Variants in VTI1A observed in about 807,000 individuals in gnomAD.
VTI1A encodes the protein vesicle transport through interaction with t-SNAREs homolog 1A.
A neutral mutation model predicts 34.9 loss-of-function variants in VTI1A; 22 were observed. That is an observed-to-expected ratio of 0.63 (90% confidence interval 0.45 to 0.90). The LOEUF (loss-of-function observed/expected upper bound fraction) is 0.90, where lower values mean the gene tolerates loss of function less well. VTI1A is among the 40% of genes least tolerant of loss of function. VTI1A has a pLI of 0.00. For missense variants in VTI1A, 268 were observed against 275.6 expected (o/e 0.97, Z 0.20); for synonymous variants, 87 against 97.3 (o/e 0.89, Z 0.62).
intron 7 of VTI1A, among the ~76,000 whole-genome samples, chr10:112,699,375 T>C (rs1405206890): frequency 1.3e-5 from 2 of 152,198 alleles, no homozygotes; most frequent in Non-Finnish European, 2.9e-5. Flanking sequence ...CATTTCCTGG[T>C]TTATAGATGG....
rs1853555844 is a variant in VTI1A, at chr10:112,817,428, C to T, written c.*2045C>T. The T allele has an allele frequency of 4.3e-6, 1 of 231,624 alleles. No homozygotes were observed. Among genetic ancestry groups the T allele is most frequent in the Non-Finnish European group, 8.5e-6 (1 of 117,160 alleles). The allele number at this position is 231,624 out of a possible 1,614,324, so 14.3% of individuals were successfully genotyped here. On this transcript the variant is annotated 3_prime_UTR_variant, in exon 8 of 8. Coordinates refer to ENST00000393077, the MANE Select transcript of VTI1A (RefSeq NM_145206.4). ...GAGAAAGGAGGAGGGCATTGCTCAC[C>T]TCTCAATAGCTTTTTTCGTTCAAGT...
At chr10:112,715,002 A>G (rs572880563) in intron 7 of VTI1A, among the ~76,000 whole-genome samples, 2 of 152,204 alleles carry the variant, frequency 1.3e-5, no homozygotes. Flanking sequence ...ATCACATTTG[A>G]GCCCAAATAT....
At chr10:112,612,389 T>TA (rs1845351661) in intron 5 of VTI1A, among the ~76,000 whole-genome samples, 2 of 152,286 alleles carry the variant, frequency 1.3e-5, no homozygotes, top group African/African-American at 4.8e-5. Flanking sequence ...CATACTATAA[T>TA]AAAAAGACAA....
At chr10:112,536,675 G>A (rs919088718) in intron 4 of VTI1A, among the ~76,000 whole-genome samples, 2 of 151,522 alleles carry the variant, frequency 1.3e-5, no homozygotes, top group African/African-American at 4.9e-5. Context: ...ATAGACTGTT[G>A]TTGCAGCTTC....
At chr10:112,724,611 C>A (rs995504795) in intron 7 of VTI1A, among the ~76,000 whole-genome samples, 3 of 152,084 alleles carry the variant, frequency 2.0e-5, no homozygotes, top group African/African-American at 7.2e-5. Context: ...ACTAAGAGAG[C>A]AGTGAGTGCA....
At chr10:112,548,749 G>A in intron 5 of VTI1A, 1 of 1,443,456 alleles carries the variant, frequency 6.9e-7, no homozygotes, top group Non-Finnish European at 9.5e-7. Context: ...GGGACCCAGA[G>A]ATGGATAGTC....
chr10:112,543,485 A>C (rs2134270187), intron 5 of VTI1A, among the ~76,000 whole-genome samples: 1 of 152,310 alleles, frequency 6.6e-6, no homozygotes, highest in Admixed American at 6.5e-5. Context: ...TCTTTTGAGA[A>C]GTGTCTGTTC....
chr10:112,813,568 A>G (rs1260949512), intron 7 of VTI1A, among the ~76,000 whole-genome samples: 1 of 152,064 alleles, frequency 6.6e-6, no homozygotes, highest in African/African-American at 2.4e-5. Flanking sequence ...CTCCCAGAGA[A>G]AAGGGGGAAA....
intron 1 of VTI1A, among the ~76,000 whole-genome samples, chr10:112,455,665 C>T (rs11195963): frequency 1.6e-4 from 20 of 125,112 alleles, no homozygotes; most frequent in Admixed American, 8.4e-5. Context: ...CTCCCTTCCT[C>T]CCTTCCTTCC....
At chr10:112,682,479 A>G (rs1183310004) in intron 7 of VTI1A, among the ~76,000 whole-genome samples, 9 of 152,234 alleles carry the variant, frequency 5.9e-5, no homozygotes, top group African/African-American at 1.9e-4. Flanking sequence ...TAATAAAACC[A>G]GAATGCTAAG....
chr10:112,455,157 T>TCCCCTCC (rs1378928944), intron 1 of VTI1A, among the ~76,000 whole-genome samples: 29 of 29,390 alleles, frequency 9.9e-4, no homozygotes, highest in African/African-American at 3.7e-3. Context: ...TCCCTCCCCT[T>TCCCCTCC]CCCTCCTCCC....
At chr10:112,723,087 GATA>G (rs1849868880) in intron 7 of VTI1A, among the ~76,000 whole-genome samples, 1 of 152,116 alleles carries the variant, frequency 6.6e-6, no homozygotes, top group Non-Finnish European at 1.5e-5. Flanking sequence ...TGTAAATCAA[GATA>G]ATAATAGTAG....
intron 7 of VTI1A, among the ~76,000 whole-genome samples, chr10:112,679,973 G>A (rs573380770): frequency 6.6e-6 from 1 of 152,146 alleles, no homozygotes; most frequent in South Asian, 2.1e-4. Flanking sequence ...TCTTTCTGGG[G>A]CTTTTCCATT....
chr10:112,657,182 A>G (rs1402947901), intron 5 of VTI1A, among the ~76,000 whole-genome samples: 4 of 152,226 alleles, frequency 2.6e-5, no homozygotes, highest in Admixed American at 2.6e-4. Flanking sequence ...ACAAACTAAT[A>G]CAATCCTTTA....
intron 5 of VTI1A, among the ~76,000 whole-genome samples, chr10:112,666,009 G>GA (rs1367979453): frequency 6.6e-6 from 1 of 151,980 alleles, no homozygotes; most frequent in Non-Finnish European, 1.5e-5. Flanking sequence ...AGTTTTAAGT[G>GA]AAAAAATGAA....
intron 5 of VTI1A, among the ~76,000 whole-genome samples, chr10:112,617,088 A>G (rs1845538334): frequency 6.6e-6 from 1 of 152,214 alleles, no homozygotes; most frequent in African/African-American, 2.4e-5. Context: ...ACATCTAGAC[A>G]CGTTATAGTG....
At chr10:112,455,431 TCTTCCCTC>T (rs1246549360) in intron 1 of VTI1A, among the ~76,000 whole-genome samples, 7 of 446 alleles carry the variant, frequency 0.016, no homozygotes, top group African/African-American at 0.054. Flanking sequence ...CCCCTTCCCT[TCTTCCCTC>T]CTTCCCTCCT....
chr10:112,666,442 T>C (rs1847642819), intron 5 of VTI1A, among the ~76,000 whole-genome samples: 1 of 152,204 alleles, frequency 6.6e-6, no homozygotes, highest in Non-Finnish European at 1.5e-5. Flanking sequence ...GTAACTCTTC[T>C]GTAACACTTC....
chr10:112,604,875 C>T (rs1355744225), intron 5 of VTI1A, among the ~76,000 whole-genome samples: 1 of 152,036 alleles, frequency 6.6e-6, no homozygotes, highest in Non-Finnish European at 1.5e-5. Context: ...GTATTACTCT[C>T]ATTTAGAATA....
Sources: allele counts gnomAD v4.1 joint callset (sites outside exome capture counted in the v4.1 genomes callset), GRCh38; gene constraint gnomAD v4.1.1; transcripts MANE v1.5; gene names NCBI Gene and HGNC (gene_info 2026-07-23, HGNC 2026-07-21).